Variants in NELL1 observed in about 807,000 individuals in gnomAD.
NELL1 encodes neural EGFL like 1.
NELL1 carries 76 observed loss-of-function variants against 107.4 expected under a neutral mutation model. That is an observed-to-expected ratio of 0.71 (90% CI 0.59 to 0.86). The LOEUF (loss-of-function observed/expected upper bound fraction) is 0.86, where lower values mean the gene tolerates loss of function less well. Ranked by LOEUF, NELL1 falls within the 40% of genes least tolerant of loss-of-function variation. NELL1 has a pLI of 0.00. For synonymous variants in NELL1, 353 were observed against 341.2 expected (o/e 1.03, Z -0.38); for missense variants, 1,024 against 1,005.5 (o/e 1.02, Z -0.25).
intron 2 of NELL1, among the ~76,000 whole-genome samples, chr11:20,710,294 A>G (rs538651941): frequency 6.6e-6 from 1 of 152,178 alleles, no homozygotes; most frequent in African/African-American, 2.4e-5. Flanking sequence ...CTTTTTCTGC[A>G]TGTATTCAGA....
intron 14 of NELL1, among the ~76,000 whole-genome samples, chr11:21,354,398 T>C (rs1202979167): frequency 1.3e-5 from 2 of 152,138 alleles, no homozygotes; most frequent in African/African-American, 4.8e-5. Context: ...TAGTTAAAAC[T>C]TCAAACCAGG....
At chr11:21,449,040 A>T (rs796675039) in intron 15 of NELL1, among the ~76,000 whole-genome samples, 1 of 152,192 alleles carries the variant, frequency 6.6e-6, no homozygotes, top group African/African-American at 2.4e-5. Context: ...TTATATTGAC[A>T]TGTGCTTTTA....
intron 12 of NELL1, among the ~76,000 whole-genome samples, chr11:20,984,726 C>T (rs1195441864): frequency 6.6e-6 from 1 of 151,970 alleles, no homozygotes; most frequent in Non-Finnish European, 1.5e-5. Flanking sequence ...TCTTGGTGGT[C>T]TCTGCAGAAT....
chr11:21,364,030 T>C (rs1851151216), intron 14 of NELL1, among the ~76,000 whole-genome samples: 4 of 152,202 alleles, frequency 2.6e-5, no homozygotes, highest in Admixed American at 2.6e-4. Flanking sequence ...CCTACATTCA[T>C]GGAAGATAGC....
At chr11:21,136,972 A>C (rs1190987878) in intron 13 of NELL1, among the ~76,000 whole-genome samples, 1 of 152,222 alleles carries the variant, frequency 6.6e-6, no homozygotes, top group Non-Finnish European at 1.5e-5. Flanking sequence ...CAGTCATTCT[A>C]CCTGTATTAA....
At chr11:21,538,158 GT>G (rs1229482141) in intron 16 of NELL1, among the ~76,000 whole-genome samples, 1 of 151,954 alleles carries the variant, frequency 6.6e-6, no homozygotes, top group Non-Finnish European at 1.5e-5. Context: ...ACTCAGCTAT[GT>G]TTTTTTCTTC....
At chr11:21,166,236 A>G (rs1160944626) in intron 13 of NELL1, among the ~76,000 whole-genome samples, 1 of 151,684 alleles carries the variant, frequency 6.6e-6, no homozygotes, top group Non-Finnish European at 1.5e-5. Context: ...TGGGAAGGGT[A>G]GTTGGAGGAG....
chr11:21,511,935 C>A (rs1041105117), intron 15 of NELL1, among the ~76,000 whole-genome samples: 3 of 152,176 alleles, frequency 2.0e-5, no homozygotes, highest in African/African-American at 4.8e-5. Flanking sequence ...GTGTAAGATG[C>A]AAGCTGACAT....
chr11:20,854,016 T>C (rs1051256851), intron 4 of NELL1, among the ~76,000 whole-genome samples: 1 of 152,136 alleles, frequency 6.6e-6, no homozygotes, highest in Non-Finnish European at 1.5e-5. Context: ...TTCAGAAACT[T>C]ACTCCCCACC....
chr11:21,309,738 G>A (rs575336462), intron 14 of NELL1, among the ~76,000 whole-genome samples: 7 of 152,042 alleles, frequency 4.6e-5, no homozygotes, highest in Admixed American at 3.3e-4. Flanking sequence ...TATGGATGGC[G>A]TCAGGCAAAG....
intron 3 of NELL1, among the ~76,000 whole-genome samples, chr11:20,806,125 C>CT (rs1278998372): frequency 0.055 from 7,465 of 134,838 alleles, 538 homozygotes; most frequent in African/African-American, 0.17. Context: ...TATTAATGTC[C>CT]TTTTTTTTTT....
At chr11:21,228,430 A>G (rs1356141588) in intron 13 of NELL1, among the ~76,000 whole-genome samples, 1 of 152,118 alleles carries the variant, frequency 6.6e-6, no homozygotes, top group Admixed American at 6.5e-5. Flanking sequence ...GAACCCTATG[A>G]AAGTGGGCTA....
At chr11:21,510,973 C>T (rs56327160) in intron 15 of NELL1, among the ~76,000 whole-genome samples, 22,619 of 152,172 alleles carry the variant, frequency 0.15, 1,760 homozygotes, top group Admixed American at 0.17. Context: ...TCAGCTCCTT[C>T]AATTTCCAGC....
chr11:21,187,508 T>C (rs1590716067), intron 13 of NELL1, among the ~76,000 whole-genome samples: 1 of 151,982 alleles, frequency 6.6e-6, no homozygotes, highest in East Asian at 1.9e-4. Flanking sequence ...AAAGACCACA[T>C]TGACTGGTCT....
chr11:20,812,573 G>C (rs895894475), intron 3 of NELL1, among the ~76,000 whole-genome samples: 1 of 152,190 alleles, frequency 6.6e-6, no homozygotes, highest in East Asian at 1.9e-4. Flanking sequence ...AACATGCTAA[G>C]ATGGTTATTT....
At chr11:21,225,800 T>C (rs1198793798) in intron 13 of NELL1, among the ~76,000 whole-genome samples, 1 of 152,186 alleles carries the variant, frequency 6.6e-6, no homozygotes, top group Non-Finnish European at 1.5e-5. Flanking sequence ...CTAACACTTG[T>C]GGAGCACTTA....
At chr11:20,838,253 C>T (rs1216317937) in intron 3 of NELL1, among the ~76,000 whole-genome samples, 1 of 150,086 alleles carries the variant, frequency 6.7e-6, no homozygotes, top group Non-Finnish European at 1.5e-5. Context: ...TCCTCAAAAC[C>T]GTCAAGGTCA....
At chr11:21,389,923 A>G (rs1851830443) in intron 15 of NELL1, among the ~76,000 whole-genome samples, 1 of 151,922 alleles carries the variant, frequency 6.6e-6, no homozygotes, top group East Asian at 2.0e-4. Context: ...CTATATACCT[A>G]TATATCTAGG....
chr11:20,833,302 ATTATTAT>A (rs1262980838), intron 3 of NELL1, among the ~76,000 whole-genome samples: 1 of 152,086 alleles, frequency 6.6e-6, no homozygotes, highest in African/African-American at 2.4e-5. Context: ...TATTATTATT[ATTATTAT>A]TTAAATGGTG....
Sources: gnomAD v4.1 joint callset for allele counts (sites outside exome capture counted in the v4.1 genomes callset) on GRCh38, gnomAD v4.1.1 for gene constraint, MANE v1.5 for transcripts, NCBI Gene and HGNC (gene_info 2026-07-23, HGNC 2026-07-21) for gene names.